DPYD: variants seen among roughly 807,000 people sequenced by gnomAD.
The protein encoded by DPYD is dihydropyrimidine dehydrogenase.
Under a neutral mutation model 116.2 loss-of-function variants are expected in DPYD, and 109 were observed. The observed-to-expected ratio is 0.94, with a 90% CI of 0.80 to 1.10. DPYD has a LOEUF of 1.10. Ranked by LOEUF, DPYD falls within the 50% of genes least tolerant of loss-of-function variation. The pLI, the probability that DPYD is intolerant of heterozygous loss-of-function variation, is 0.00. For missense variants in DPYD, 1,302 were observed against 1,254.5 expected (o/e 1.04, Z -0.57); for synonymous variants, 440 against 432.0 (o/e 1.02, Z -0.23).
chr1:97,816,579 C>T (rs927708176), intron 3 of DPYD, among the ~76,000 whole-genome samples: 1 of 152,116 alleles, frequency 6.6e-6, no homozygotes, highest in African/African-American at 2.4e-5. Context: ...AAGTACCATA[C>T]TATACAAAGC....
chr1:97,103,493 C>A (rs901669509), intron 20 of DPYD, among the ~76,000 whole-genome samples: 1 of 152,038 alleles, frequency 6.6e-6, no homozygotes, highest in Admixed American at 6.6e-5. Flanking sequence ...GCTAATGATG[C>A]AAATCAGTAC....
At chr1:97,726,917 A>G (rs1166172606) in intron 4 of DPYD, among the ~76,000 whole-genome samples, 1 of 151,726 alleles carries the variant, frequency 6.6e-6, no homozygotes, top group Non-Finnish European at 1.5e-5. Context: ...TATAGCTGTC[A>G]AACTATGAGT....
rs1317318490 is a variant in DPYD at position 97,451,241 on chromosome 1, T to C, written c.1741-1018A>G. 5.9e-5 allele frequency among the ~76,000 whole-genome samples: 9 copies of C among 152,054 alleles called. No homozygotes were observed. The East Asian group carries it at 1.2e-3, about 20-fold the overall frequency. On this transcript the variant is annotated intron_variant, in intron 13 of 22. Transcript: ENST00000370192. ...ACATTTGGACGTTTTTCCAACTAGA[T>C]AGACAGGAAACCTTAATTAGCATTA...
intron 13 of DPYD, among the ~76,000 whole-genome samples, chr1:97,513,818 A>G (rs1040212748): frequency 1.3e-5 from 2 of 151,832 alleles, no homozygotes; most frequent in Non-Finnish European, 2.9e-5. Flanking sequence ...TTAATCACTA[A>G]TTAGGAACCA....
At chr1:97,680,749 C>A (rs967307400) in intron 7 of DPYD, among the ~76,000 whole-genome samples, 3 of 152,102 alleles carry the variant, frequency 2.0e-5, no homozygotes, top group African/African-American at 7.2e-5. Flanking sequence ...GGTGAATATG[C>A]TGGAAACTGT....
At chr1:97,625,520 T>G (rs1656879193) in intron 8 of DPYD, among the ~76,000 whole-genome samples, 1 of 152,008 alleles carries the variant, frequency 6.6e-6, no homozygotes, top group Non-Finnish European at 1.5e-5. Flanking sequence ...TCCAAATACC[T>G]GACAATGCAT....
At chr1:97,209,393 CTTT>C (rs1659890608) in intron 19 of DPYD, among the ~76,000 whole-genome samples, 1 of 152,022 alleles carries the variant, frequency 6.6e-6, no homozygotes. Context: ...ATAGAATTGG[CTTT>C]TTTTAAACTC....
At chr1:97,104,545 TCTAACGCAGG>T (rs1318702266) in intron 20 of DPYD, among the ~76,000 whole-genome samples, 1 of 152,026 alleles carries the variant, frequency 6.6e-6, no homozygotes, top group East Asian at 1.9e-4. Context: ...ACAATGTGTA[TCTAACGCAGG>T]CTGAGGGGTC....
chr1:97,897,482 T>C (rs1418354390), intron 1 of DPYD, among the ~76,000 whole-genome samples: 1 of 151,826 alleles, frequency 6.6e-6, no homozygotes, highest in East Asian at 1.9e-4. Flanking sequence ...TTCACTCTCA[T>C]CTCTGGGGAA....
chr1:97,461,938 G>C (rs1176714921), intron 13 of DPYD, among the ~76,000 whole-genome samples: 2 of 152,264 alleles, frequency 1.3e-5, no homozygotes, highest in Non-Finnish European at 2.9e-5. Context: ...AGTCTGTTTT[G>C]AGGAACTGAA....
chr1:97,743,568 T>C (rs1664382743), intron 3 of DPYD, among the ~76,000 whole-genome samples: 1 of 152,120 alleles, frequency 6.6e-6, no homozygotes, highest in African/African-American at 2.4e-5. Context: ...ATAATAGATA[T>C]TACAGAGTGC....
chr1:97,134,606 G>C (rs1202009984), intron 20 of DPYD, among the ~76,000 whole-genome samples: 2 of 152,112 alleles, frequency 1.3e-5, no homozygotes, highest in Non-Finnish European at 1.5e-5. Context: ...GTCAACAAAG[G>C]CTTCCTTAAA....
At chr1:97,507,348 C>T (rs927993013) in intron 13 of DPYD, among the ~76,000 whole-genome samples, 13 of 151,836 alleles carry the variant, frequency 8.6e-5, no homozygotes, top group African/African-American at 2.9e-4. Context: ...TGTATATTAT[C>T]AGGAAAACAA....
In DPYD at chr1:97,376,900, T is replaced by TATATATATATATATATATATAC. The variant is rs1671667341; in HGVS notation, c.1975-3257_1975-3256insGTATATATATATATATATATAT. Among the ~76,000 whole-genome samples, 20 of 148,934 alleles carry TATATATATATATATATATATAC rather than the reference T, an allele frequency of 1.3e-4. No homozygotes were observed. In the South Asian group the frequency reaches 4.4e-3, roughly 33 times the overall value. The stretch of plus-strand genomic sequence containing the variant: ...GTGTGTGTGTGTGTATATATATATA[T>TATATATATATATATATATATAC]ATGGTGTGGACTCTGAGCCAAACTA... On this transcript the variant is annotated intron_variant, in intron 15 of 22. Coordinates refer to ENST00000370192, the MANE Select transcript of DPYD (RefSeq NM_000110.4).
chr1:97,123,626 T>G (rs1652612908), intron 20 of DPYD, among the ~76,000 whole-genome samples: 1 of 152,152 alleles, frequency 6.6e-6, no homozygotes, highest in African/African-American at 2.4e-5. Flanking sequence ...ATCTAGATGC[T>G]TAAAAAATGG....
chr1:97,776,616 G>C (rs1472344423), intron 3 of DPYD, among the ~76,000 whole-genome samples: 1 of 152,128 alleles, frequency 6.6e-6, no homozygotes, highest in Admixed American at 6.6e-5. Flanking sequence ...AGAAGAAGTA[G>C]TGGAGACCCA....
chr1:97,516,267 T>TA, intron 12 of DPYD, among the ~76,000 whole-genome samples: 1 of 152,156 alleles, frequency 6.6e-6, no homozygotes, highest in East Asian at 1.9e-4. Context: ...AGTCTCTTTG[T>TA]ACTTAAGTTA....
At chr1:97,259,652 G>A (rs1480344427) in intron 18 of DPYD, among the ~76,000 whole-genome samples, 1 of 152,110 alleles carries the variant, frequency 6.6e-6, no homozygotes, top group Non-Finnish European at 1.5e-5. Flanking sequence ...TATAATGGAG[G>A]CAAGAACTTC....
rs139026123 is a variant in DPYD, at chr1:97,631,986, G to A, written c.851-36820C>T. Among the ~76,000 whole-genome samples, 605 of 152,142 alleles carry A rather than the reference G, an allele frequency of 4.0e-3. 9 individuals carry two copies. Among genetic ancestry groups the A allele is most frequent in the Non-Finnish European group, 2.6e-3 (176 of 67,984 alleles). Reference sequence around the variant, plus strand: ...CTTCTAAAATTCTATACCACCGTTCGATTGTAATCTAAAAGGGATGCCAAA... The same window carrying A: ...CTTCTAAAATTCTATACCACCGTTCAATTGTAATCTAAAAGGGATGCCAAA... On this transcript the variant is annotated intron_variant, in intron 8 of 22. Transcript: ENST00000370192.
Sources: allele counts gnomAD v4.1 joint callset (sites outside exome capture counted in the v4.1 genomes callset), GRCh38; gene constraint gnomAD v4.1.1; transcripts MANE v1.5; gene names NCBI Gene and HGNC (gene_info 2026-07-23, HGNC 2026-07-21).